The following FSTL4 variants were observed in gnomAD, a reference collection of about 807,000 sequenced individuals.
The protein encoded by FSTL4 is follistatin-related protein 4.
Under a neutral mutation model 78.2 loss-of-function variants are expected in FSTL4, and 28 were observed. That is an observed-to-expected ratio of 0.36 (90% CI 0.27 to 0.49). The LOEUF is 0.49. Among genes scored for constraint, FSTL4 ranks in the 20% least tolerant of loss-of-function variants. The pLI is 0.98. For missense variants in FSTL4, 922 were observed against 1,084.9 expected (o/e 0.85, Z 2.11); for synonymous variants, 422 against 440.5 (o/e 0.96, Z 0.53).
intron 3 of FSTL4, among the ~76,000 whole-genome samples, chr5:133,419,283 C>A (rs1430801397): frequency 2.6e-5 from 4 of 152,172 alleles, no homozygotes; most frequent in Admixed American, 1.3e-4. Context: ...CCATGCCCAG[C>A]TAATTTTTGT....
the FSTL4 span, among the ~76,000 whole-genome samples, chr5:133,804,567 G>C: frequency 7.9e-4 from 120 of 152,296 alleles, no homozygotes; most frequent in Non-Finnish European, 1.3e-3. Context: ...CTGATTCCTT[G>C]TTAACTGATC....
At chr5:133,445,940 C>A (rs978251434) in intron 3 of FSTL4, among the ~76,000 whole-genome samples, 1 of 152,190 alleles carries the variant, frequency 6.6e-6, no homozygotes, top group African/African-American at 2.4e-5. Flanking sequence ...CCATTCTAGG[C>A]AAACCACGTG....
At chr5:133,647,088 G>A in the FSTL4 span, among the ~76,000 whole-genome samples, 1 of 152,260 alleles carries the variant, frequency 6.6e-6, no homozygotes, top group Non-Finnish European at 1.5e-5. Context: ...GCTGCATGAA[G>A]AGCGGCCCAA....
chr5:133,550,779 T>G (rs1193610206), intron 3 of FSTL4, among the ~76,000 whole-genome samples: 3 of 152,332 alleles, frequency 2.0e-5, no homozygotes, highest in East Asian at 3.9e-4. Context: ...GAGACAACTC[T>G]CAACTCAATG....
At chr5:133,453,473 A>T (rs2127012439) in intron 3 of FSTL4, among the ~76,000 whole-genome samples, 1 of 152,252 alleles carries the variant, frequency 6.6e-6, no homozygotes, top group African/African-American at 2.4e-5. Context: ...TCACATAGGG[A>T]CCTATGCTGT....
At chr5:133,309,333 C>T (rs922953679) in intron 6 of FSTL4, among the ~76,000 whole-genome samples, 9 of 152,152 alleles carry the variant, frequency 5.9e-5, no homozygotes, top group African/African-American at 1.9e-4. Flanking sequence ...GAAGCCAAAA[C>T]AATGCAAAGA....
chr5:133,664,310 CTT>C, the FSTL4 span, among the ~76,000 whole-genome samples: 10,918 of 146,776 alleles, frequency 0.074, 557 homozygotes, highest in African/African-American at 0.15. Flanking sequence ...CCTGCTGATT[CTT>C]TTTTTTTTAA....
At chr5:133,262,486 GC>G (rs2126836937) in intron 6 of FSTL4, among the ~76,000 whole-genome samples, 1 of 152,228 alleles carries the variant, frequency 6.6e-6, no homozygotes, top group South Asian at 2.1e-4. Context: ...ATACCCATGC[GC>G]CAGGACCACC....
intron 4 of FSTL4, among the ~76,000 whole-genome samples, chr5:133,380,398 G>A (rs550392633): frequency 6.6e-6 from 1 of 152,192 alleles, no homozygotes; most frequent in East Asian, 1.9e-4. Context: ...TATAAGGGAA[G>A]AGTATGAACA....
chr5:133,775,745 C>T, the FSTL4 span, among the ~76,000 whole-genome samples: 1 of 152,152 alleles, frequency 6.6e-6, no homozygotes, highest in South Asian at 2.1e-4. Flanking sequence ...TCATAGGGAA[C>T]TTCCTATTAT....
At chr5:133,738,354 C>A in the FSTL4 span, among the ~76,000 whole-genome samples, 1 of 152,218 alleles carries the variant, frequency 6.6e-6, no homozygotes, top group East Asian at 1.9e-4. Flanking sequence ...ATAACTCAGA[C>A]CTCAGTCTCC....
chr5:133,208,951 G>A (rs549493419), intron 14 of FSTL4, among the ~76,000 whole-genome samples: 18 of 152,306 alleles, frequency 1.2e-4, no homozygotes, highest in African/African-American at 3.1e-4. Flanking sequence ...GATTACAGGC[G>A]TGAGCCACTG....
chr5:133,287,501 C>T (rs1213266168), intron 6 of FSTL4, among the ~76,000 whole-genome samples: 2 of 152,078 alleles, frequency 1.3e-5, no homozygotes, highest in South Asian at 2.1e-4. Flanking sequence ...AGCAGTGGCT[C>T]AGGATGCTAC....
At chr5:133,604,115 T>G in intron 1 of FSTL4, 122 bp from the exon 2 acceptor site, 3 of 688,002 alleles carry the variant, frequency 4.4e-6, no homozygotes, top group Non-Finnish European at 5.0e-6. Context: ...GGCACCAAAC[T>G]TCTGTTCTAC....
intron 4 of FSTL4, among the ~76,000 whole-genome samples, chr5:133,357,754 C>T (rs1030475665): frequency 6.6e-6 from 1 of 152,114 alleles, no homozygotes; most frequent in Non-Finnish European, 1.5e-5. Context: ...TAGCACCCCC[C>T]ACACCCCCTA....
At chr5:133,774,655 C>T in the FSTL4 span, among the ~76,000 whole-genome samples, 1,149 of 152,276 alleles carry the variant, frequency 7.5e-3, 21 homozygotes, top group African/African-American at 0.027. Flanking sequence ...TAATAAAAGC[C>T]ATTTGCTTTC....
At chr5:133,309,548 A>G (rs1302723286) in intron 6 of FSTL4, among the ~76,000 whole-genome samples, 1 of 152,152 alleles carries the variant, frequency 6.6e-6, no homozygotes, top group African/African-American at 2.4e-5. Context: ...CCCCATCACG[A>G]ACCAGCTCAG....
chr5:133,656,980 G>A, the FSTL4 span, among the ~76,000 whole-genome samples: 1 of 152,154 alleles, frequency 6.6e-6, no homozygotes, highest in African/African-American at 2.4e-5. Context: ...GAATGGTCAG[G>A]GGTTATAAGT....
At chr5:133,292,760 A>G (rs896152990) in intron 6 of FSTL4, among the ~76,000 whole-genome samples, 7 of 148,702 alleles carry the variant, frequency 4.7e-5, no homozygotes, top group South Asian at 2.2e-4. Context: ...CTCACAAGGG[A>G]AAAAAAAAAG....
Sources: allele counts gnomAD v4.1 joint callset (sites outside exome capture counted in the v4.1 genomes callset), GRCh38; gene constraint gnomAD v4.1.1; transcripts MANE v1.5; gene names NCBI Gene and HGNC (gene_info 2026-07-23, HGNC 2026-07-21).